LIPK: variants seen among roughly 807,000 people sequenced by gnomAD.
LIPK encodes the protein lipase family member K.
LIPK carries 32 observed loss-of-function variants against 48.6 expected under a neutral mutation model. The observed-to-expected ratio is 0.66, with a 90% CI of 0.50 to 0.88. LIPK has a LOEUF of 0.88. Ranked by LOEUF, LIPK falls within the 40% of genes least tolerant of loss-of-function variation. The probability of loss-of-function intolerance (pLI) is 0.00; values close to 1 mark genes in which losing one functional copy is unlikely to be tolerated. For missense variants in LIPK, 507 were observed against 478.5 expected (o/e 1.06, Z -0.56); for synonymous variants, 164 against 157.4 (o/e 1.04, Z -0.32).
intron 1 of LIPK, among the ~76,000 whole-genome samples, chr10:88,718,791 G>C (rs1257609344): frequency 6.6e-6 from 1 of 152,042 alleles, no homozygotes; most frequent in Non-Finnish European, 1.5e-5. Context: ...TAGATGCTCA[G>C]TCCATGGTAT....
intron 1 of LIPK, among the ~76,000 whole-genome samples, chr10:88,722,323 C>G (rs1343365739): frequency 6.6e-6 from 1 of 152,142 alleles, no homozygotes; most frequent in African/African-American, 2.4e-5. Flanking sequence ...ATAACATATT[C>G]ATGTACTCCT....
chr10:88,733,741 C>G (rs980112200), intron 6 of LIPK, among the ~76,000 whole-genome samples: 2 of 152,182 alleles, frequency 1.3e-5, no homozygotes, highest in African/African-American at 2.4e-5. Flanking sequence ...TTGCACAGCT[C>G]TCTTCAAACT....
chr10:88,736,835 A>G (rs1769696), intron 6 of LIPK, among the ~76,000 whole-genome samples: 33,141 of 152,150 alleles, frequency 0.22, 3,790 homozygotes, highest in East Asian at 0.37. Flanking sequence ...AATGCTAGTT[A>G]TTACTGTTCT....
Position 88,724,589 on chromosome 10 carries a change from T to C in LIPK, c.46T>C (p.Ser16Pro). 3 of 1,610,454 alleles carry C rather than the reference T, an allele frequency of 1.9e-6. No individual in the cohort carries two copies. The highest frequency in any genetic ancestry group is 2.5e-6 in the Non-Finnish European group (3 of 1,178,718). The change falls in exon 2 of 10, where the codon TCT becomes CCT. Residue 16 changes from serine to proline, a missense_variant. Ser to Pro is a moderately conservative substitution (Grantham distance 74). Transcript: ENST00000404190. ...AGCATGCTGGATGCTTCTTCTTGGA[T>C]CTATGTATGGTTATGACAAGAAAGG... ...AAACWMLLLG[S>P]MYGYDKKGNN... is the part of the protein sequence containing the mutation.
intron 6 of LIPK, among the ~76,000 whole-genome samples, chr10:88,734,544 G>A (rs409079): frequency 0.22 from 32,987 of 152,078 alleles, 3,772 homozygotes; most frequent in East Asian, 0.37. Flanking sequence ...ATTTGCACAG[G>A]GGAATGACAC....
chr10:88,733,364 A>G (rs1842507328), intron 6 of LIPK, among the ~76,000 whole-genome samples: 2 of 152,212 alleles, frequency 1.3e-5, no homozygotes, highest in Admixed American at 1.3e-4. Context: ...CCATGGTAAT[A>G]ACTCCCATGG....
At chr10:88,750,886 T>C (rs954123188) in intron 9 of LIPK, among the ~76,000 whole-genome samples, 1 of 152,120 alleles carries the variant, frequency 6.6e-6, no homozygotes, top group Non-Finnish European at 1.5e-5. Context: ...ACTACACTTA[T>C]TCCTTCTCAA....
chr10:88,725,520 T>G (rs1842320370), intron 2 of LIPK, among the ~76,000 whole-genome samples: 1 of 152,270 alleles, frequency 6.6e-6, no homozygotes, highest in Non-Finnish European at 1.5e-5. Flanking sequence ...AATTTATACA[T>G]GCATCTCTGT....
Position 88,743,184 on chromosome 10 carries a change from C to A in LIPK, c.889-66C>A, listed in dbSNP as rs201963489. 2.4e-5 allele frequency: 26 copies of A among 1,070,150 alleles called. No homozygotes were observed. The East Asian group carries it at 6.5e-4, about 27-fold the overall frequency. 66.3% of individuals were successfully genotyped at this position (1,070,150 alleles called of 1,614,324 possible). A position where few individuals can be genotyped will look rare whatever the true frequency, so the allele number is the denominator to read the frequency against. ...TAATGTTAATCTTCTTTGTATATTT[C>A]TTCTGTACTGTCTTTAAATGTACAC... On this transcript the variant is annotated intron_variant, in intron 8 of 9. Transcript: ENST00000404190.
chr10:88,730,714 C>T (rs1194018850), intron 3 of LIPK, among the ~76,000 whole-genome samples: 1 of 152,124 alleles, frequency 6.6e-6, no homozygotes, highest in African/African-American at 2.4e-5. Context: ...TCATGCGTAT[C>T]GAAGGGATTT....
At chr10:88,714,312 T>A (rs1258425134) in intron 1 of LIPK, among the ~76,000 whole-genome samples, 1 of 152,200 alleles carries the variant, frequency 6.6e-6, no homozygotes, top group Non-Finnish European at 1.5e-5. Context: ...TATTTGCTCC[T>A]TTGATTAATT....
chr10:88,718,921 C>A (rs934244401), intron 1 of LIPK, among the ~76,000 whole-genome samples: 5 of 151,988 alleles, frequency 3.3e-5, no homozygotes, highest in Non-Finnish European at 4.4e-5. Context: ...AGTGTTGGTA[C>A]AAAATATGTT....
At chr10:88,740,482 G>T (rs955445627) in intron 8 of LIPK, among the ~76,000 whole-genome samples, 3 of 152,228 alleles carry the variant, frequency 2.0e-5, no homozygotes, top group African/African-American at 7.2e-5. Flanking sequence ...AAGATTGAAT[G>T]CTAGGGAAGA....
At chr10:88,714,330 T>G (rs921919242) in intron 1 of LIPK, among the ~76,000 whole-genome samples, 2 of 152,192 alleles carry the variant, frequency 1.3e-5, no homozygotes, top group Non-Finnish European at 2.9e-5. Context: ...ATTTCCATAT[T>G]ATTCTAATAA....
chr10:88,715,357 T>C (rs1306198129), intron 1 of LIPK, among the ~76,000 whole-genome samples: 1 of 152,298 alleles, frequency 6.6e-6, no homozygotes, highest in East Asian at 1.9e-4. Context: ...CCTGATGAAT[T>C]GACTTTTGTC....
Position 88,720,549 on chromosome 10 carries a change from G to A in LIPK, c.-11-3984G>A, listed in dbSNP as rs1458566995. On this transcript the variant is annotated intron_variant, in intron 1 of 9. Transcript: ENST00000404190. ...AATTTTTAAAAAAGACGGCAGAAAA[G>A]TAGGTTAAATAAAGTTAAATAGAGT... 2.0e-5 allele frequency among the ~76,000 whole-genome samples: 3 copies of A among 152,116 alleles called. No homozygotes were observed. The South Asian group carries it at 6.2e-4, about 32-fold the overall frequency.
intron 9 of LIPK, among the ~76,000 whole-genome samples, chr10:88,750,603 T>C: frequency 6.6e-6 from 1 of 151,810 alleles, no homozygotes; most frequent in East Asian, 1.9e-4. Context: ...AAACATTGAG[T>C]TTACATGGAC....
At chr10:88,710,613 G>A (rs760205450) in intron 1 of LIPK, among the ~76,000 whole-genome samples, 3 of 152,046 alleles carry the variant, frequency 2.0e-5, no homozygotes, top group Non-Finnish European at 4.4e-5. Flanking sequence ...ACTCCTTTGC[G>A]CTTTTTTCAT....
chr10:88,735,819 A>G (rs1842560658), intron 6 of LIPK, among the ~76,000 whole-genome samples: 1 of 152,226 alleles, frequency 6.6e-6, no homozygotes, highest in African/African-American at 2.4e-5. Context: ...TGGGTGCTAT[A>G]CTGCTGGCTG....
Sources: allele counts gnomAD v4.1 joint callset (sites outside exome capture counted in the v4.1 genomes callset), GRCh38; gene constraint gnomAD v4.1.1; transcripts MANE v1.5; gene names NCBI Gene and HGNC (gene_info 2026-07-23, HGNC 2026-07-21).